Variants in RIMS1 observed in about 807,000 individuals in gnomAD.
The protein encoded by RIMS1 is regulating synaptic membrane exocytosis protein 1.
In RIMS1, 83 loss-of-function variants were observed where a neutral mutation model predicts 214.1. The ratio of observed to expected loss-of-function variants is 0.39; its 90% CI spans 0.32 to 0.47. The LOEUF (loss-of-function observed/expected upper bound fraction) is 0.47, where lower values mean the gene tolerates loss of function less well. Among genes scored for constraint, RIMS1 ranks in the 20% least tolerant of loss-of-function variants. RIMS1 has a pLI of 0.99. For missense variants in RIMS1, 2,050 were observed against 2,161.8 expected (o/e 0.95, Z 1.03); for synonymous variants, 793 against 786.8 (o/e 1.01, Z -0.13).
At chr6:72,343,930 T>C (rs1287051324) in intron 29 of RIMS1, among the ~76,000 whole-genome samples, 4 of 151,774 alleles carry the variant, frequency 2.6e-5, no homozygotes, top group African/African-American at 4.8e-5. Context: ...ATTTTCCTTG[T>C]TCTACTGTCA....
chr6:72,214,829 C>G (rs888398946), intron 6 of RIMS1, among the ~76,000 whole-genome samples: 1 of 151,938 alleles, frequency 6.6e-6, no homozygotes, highest in Non-Finnish European at 1.5e-5. Flanking sequence ...TCAAGCGATT[C>G]TCCTGCCTCA....
chr6:71,903,493 A>G (rs1320765143), intron 1 of RIMS1, among the ~76,000 whole-genome samples: 1 of 152,178 alleles, frequency 6.6e-6, no homozygotes, highest in East Asian at 1.9e-4. Flanking sequence ...AAAAGCAAAA[A>G]TTGACAAGTG....
intron 2 of RIMS1, among the ~76,000 whole-genome samples, chr6:72,080,074 T>TAAAAAAAAAA (rs770845471): frequency 1.0e-3 from 23 of 22,408 alleles, no homozygotes; most frequent in South Asian, 3.1e-3. Flanking sequence ...GTGTCTCTAC[T>TAAAAAAAAAA]AAAAAAAAAA....
intron 10 of RIMS1, among the ~76,000 whole-genome samples, chr6:72,244,496 G>A (rs1363404772): frequency 6.6e-6 from 1 of 151,742 alleles, no homozygotes; most frequent in African/African-American, 2.4e-5. Flanking sequence ...AATGGACTAT[G>A]AGGCTGATTT....
At chr6:72,004,513 A>G (rs1204446) in intron 2 of RIMS1, among the ~76,000 whole-genome samples, 33,634 of 150,596 alleles carry the variant, frequency 0.22, 4,307 homozygotes, top group East Asian at 0.32. Flanking sequence ...CTATTTCTCC[A>G]CATCCTCTCC....
At chr6:72,362,597 TC>T (rs2097860819) in intron 29 of RIMS1, among the ~76,000 whole-genome samples, 1 of 152,190 alleles carries the variant, frequency 6.6e-6, no homozygotes, top group Non-Finnish European at 1.5e-5. Context: ...ACTAATTTTA[TC>T]CCCAGTTGTT....
chr6:72,101,781 C>A (rs575863976), intron 4 of RIMS1, among the ~76,000 whole-genome samples: 1 of 151,638 alleles, frequency 6.6e-6, no homozygotes, highest in Non-Finnish European at 1.5e-5. Context: ...TTGTTAAGCC[C>A]GGCAAAATTA....
At chr6:72,386,447 A>G (rs2098603240) in intron 29 of RIMS1, among the ~76,000 whole-genome samples, 1 of 152,112 alleles carries the variant, frequency 6.6e-6, no homozygotes, top group Non-Finnish European at 1.5e-5. Context: ...ACTGGAGAGG[A>G]AGCCTGGGGA....
intron 26 of RIMS1, among the ~76,000 whole-genome samples, chr6:72,303,619 G>A (rs1034730294): frequency 1.3e-4 from 20 of 151,222 alleles, no homozygotes; most frequent in African/African-American, 4.4e-4. Flanking sequence ...TTAAAAATAA[G>A]TTCCAGTTTT....
intron 1 of RIMS1, among the ~76,000 whole-genome samples, chr6:71,956,772 A>G: frequency 6.6e-6 from 1 of 152,254 alleles, no homozygotes; most frequent in East Asian, 1.9e-4. Flanking sequence ...TCCTCTAAGG[A>G]AAGGACTCGT....
chr6:71,917,764 A>G (rs185588231), intron 1 of RIMS1, among the ~76,000 whole-genome samples: 180 of 152,298 alleles, frequency 1.2e-3, no homozygotes, highest in African/African-American at 4.2e-3. Context: ...TGAACCAACC[A>G]AAGCAGTAAT....
At chr6:71,933,719 A>ACACAC (rs1554212097) in intron 1 of RIMS1, among the ~76,000 whole-genome samples, 1 of 82,742 alleles carries the variant, frequency 1.2e-5, no homozygotes, top group East Asian at 3.8e-4. Flanking sequence ...CACACACACA[A>ACACAC]GTTGTATTAA....
At position 72,250,477 on chromosome 6, in the gene RIMS1, GA is replaced by G. The variant is rs199898147; in HGVS notation, c.2372+27del. The G allele has an allele frequency of 3.5e-4, 496 of 1,433,080 alleles. 1 individual carries two copies. Among genetic ancestry groups the G allele is most frequent in the Admixed American group, 2.6e-3 (111 of 43,026 alleles). The allele number at this position is 1,433,080 out of a possible 1,614,324, so 88.8% of individuals were successfully genotyped here. Reference sequence around the variant, plus strand: ...AGATAGAAGGTAGTGAATAATTTTAGAAAAAAAAAATCTTAAAATCTGTACT... The same window carrying G: ...AGATAGAAGGTAGTGAATAATTTTAGAAAAAAAAATCTTAAAATCTGTACT... On this transcript the variant is annotated intron_variant, in intron 13 of 33. Transcript: ENST00000521978.
intron 1 of RIMS1, among the ~76,000 whole-genome samples, chr6:71,961,069 G>A (rs997422316): frequency 4.6e-5 from 7 of 152,110 alleles, no homozygotes; most frequent in African/African-American, 1.4e-4. Flanking sequence ...CACAGGTACA[G>A]GTGGGAAAGA....
At chr6:72,015,361 T>G (rs1337259319) in intron 2 of RIMS1, among the ~76,000 whole-genome samples, 4 of 152,180 alleles carry the variant, frequency 2.6e-5, no homozygotes, top group South Asian at 2.1e-4. Flanking sequence ...ATAACTGATT[T>G]TTTGTATATT....
intron 1 of RIMS1, among the ~76,000 whole-genome samples, chr6:71,917,482 G>T (rs950095332): frequency 6.6e-6 from 1 of 152,132 alleles, no homozygotes; most frequent in African/African-American, 2.4e-5. Context: ...GTTGAGAGTA[G>T]CTGGTAAGTC....
At chr6:72,223,831 C>T (rs112237747) in intron 6 of RIMS1, among the ~76,000 whole-genome samples, 8 of 151,486 alleles carry the variant, frequency 5.3e-5, no homozygotes, top group African/African-American at 1.9e-4. Flanking sequence ...ACCTGTAGTC[C>T]CAGTTACTCG....
chr6:72,219,449 C>T (rs532401954), intron 6 of RIMS1, among the ~76,000 whole-genome samples: 67 of 152,042 alleles, frequency 4.4e-4, no homozygotes, highest in Middle Eastern at 3.4e-3. Context: ...ATCTTGATTG[C>T]GTAGTTAATT....
intron 29 of RIMS1, among the ~76,000 whole-genome samples, chr6:72,388,779 C>G (rs2098655917): frequency 6.6e-6 from 1 of 152,114 alleles, no homozygotes; most frequent in Non-Finnish European, 1.5e-5. Flanking sequence ...GGATTTAGGC[C>G]TTATCACCCA....
Sources: gnomAD v4.1 joint callset for allele counts (sites outside exome capture counted in the v4.1 genomes callset) on GRCh38, gnomAD v4.1.1 for gene constraint, MANE v1.5 for transcripts, NCBI Gene and HGNC (gene_info 2026-07-23, HGNC 2026-07-21) for gene names.